Variants in LOC128462377 observed in about 807,000 individuals in gnomAD.
At chr16:89,402,914 G>A in the LOC128462377 span, among the ~76,000 whole-genome samples, 13 of 152,234 alleles carry the variant, frequency 8.5e-5, no homozygotes, top group Admixed American at 5.2e-4. Context: ...CCAGCACTGC[G>A]CCACTCCCAA....
At chr16:89,383,264 C>T in the LOC128462377 span, among the ~76,000 whole-genome samples, 4 of 152,230 alleles carry the variant, frequency 2.6e-5, no homozygotes, top group Admixed American at 2.6e-4. Flanking sequence ...AGATAACCGG[C>T]TCTGCCAGAA....
At chr16:89,401,724 C>G in the LOC128462377 span, among the ~76,000 whole-genome samples, 1 of 152,186 alleles carries the variant, frequency 6.6e-6, no homozygotes, top group East Asian at 1.9e-4. Flanking sequence ...TAGGGTGGGC[C>G]CTCACCCCAC....
the LOC128462377 span, among the ~76,000 whole-genome samples, chr16:89,397,401 G>A: frequency 0.025 from 3,745 of 152,316 alleles, 161 homozygotes; most frequent in African/African-American, 0.086. Flanking sequence ...GAAGCTTTCC[G>A]TGTCCTCAGT....
chr16:89,412,742 G>T, the LOC128462377 span, among the ~76,000 whole-genome samples: 3 of 152,188 alleles, frequency 2.0e-5, no homozygotes, highest in Non-Finnish European at 4.4e-5. Context: ...TGTAAAAAAT[G>T]ATGGTATTAA....
At chr16:89,389,167 C>T in the LOC128462377 span, among the ~76,000 whole-genome samples, 16 of 151,966 alleles carry the variant, frequency 1.1e-4, no homozygotes, top group African/African-American at 3.9e-4. Context: ...GACAGATACA[C>T]GCCACTACGT....
At chr16:89,347,359 C>T in the LOC128462377 span, among the ~76,000 whole-genome samples, 3 of 152,274 alleles carry the variant, frequency 2.0e-5, no homozygotes, top group Middle Eastern at 6.8e-3. Flanking sequence ...CCTGTAATCC[C>T]AGCACTTTGA....
the LOC128462377 span, among the ~76,000 whole-genome samples, chr16:89,356,780 CAAAAAAAA>C: frequency 3.8e-5 from 4 of 103,988 alleles, no homozygotes; most frequent in Admixed American, 4.3e-4. Flanking sequence ...GACTCCGTCT[CAAAAAAAA>C]AAAAAAAGAA....
chr16:89,348,118 G>A, the LOC128462377 span, among the ~76,000 whole-genome samples: 1 of 152,098 alleles, frequency 6.6e-6, no homozygotes, highest in East Asian at 1.9e-4. Context: ...TTTTTGTACA[G>A]ATAGGGTTTC....
At chr16:89,416,385 C>G in the LOC128462377 span, among the ~76,000 whole-genome samples, 1 of 151,996 alleles carries the variant, frequency 6.6e-6, no homozygotes, top group Non-Finnish European at 1.5e-5. Context: ...CTGAAACCTC[C>G]GCCTCCCAGT....
chr16:89,339,206 T>C, the LOC128462377 span, among the ~76,000 whole-genome samples: 1 of 152,264 alleles, frequency 6.6e-6, no homozygotes, highest in Non-Finnish European at 1.5e-5. Context: ...AGGTCCATTT[T>C]TCAGTCCATT....
At chr16:89,327,184 A>G in the LOC128462377 span, among the ~76,000 whole-genome samples, 159 of 152,220 alleles carry the variant, frequency 1.0e-3, no homozygotes, top group Non-Finnish European at 1.7e-3. Context: ...CAATCAGTCA[A>G]CGTCACCCAG....
the LOC128462377 span, among the ~76,000 whole-genome samples, chr16:89,350,077 CA>C: frequency 6.6e-6 from 1 of 152,060 alleles, no homozygotes; most frequent in Non-Finnish European, 1.5e-5. Flanking sequence ...TTCCCCCCAC[CA>C]AAAAAGCCAC....
the LOC128462377 span, among the ~76,000 whole-genome samples, chr16:89,329,695 G>A: frequency 6.6e-6 from 1 of 152,182 alleles, no homozygotes; most frequent in African/African-American, 2.4e-5. Flanking sequence ...TTTGGCTTTG[G>A]AATCATGCAT....
the LOC128462377 span, among the ~76,000 whole-genome samples, chr16:89,390,438 CG>C: frequency 1.2e-4 from 19 of 152,146 alleles, no homozygotes; most frequent in African/African-American, 4.6e-4. Flanking sequence ...GCCTAACCAA[CG>C]GTAAGGGGTG....
the LOC128462377 span, among the ~76,000 whole-genome samples, chr16:89,342,570 C>T: frequency 6.6e-6 from 1 of 152,332 alleles, no homozygotes; most frequent in Admixed American, 6.5e-5. Context: ...GCAGGATATG[C>T]CTTTTCCTTA....
the LOC128462377 span, among the ~76,000 whole-genome samples, chr16:89,337,429 C>CTTT: frequency 0.021 from 1,090 of 53,092 alleles, 354 homozygotes; most frequent in African/African-American, 0.077. Flanking sequence ...CTAAGCAATT[C>CTTT]TTTTTTTTTT....
the LOC128462377 span, among the ~76,000 whole-genome samples, chr16:89,369,045 G>A: frequency 6.6e-6 from 1 of 152,034 alleles, no homozygotes; most frequent in African/African-American, 2.4e-5. Flanking sequence ...CCCCCCACTG[G>A]CACCCATTCC....
At chr16:89,364,945 T>A in the LOC128462377 span, among the ~76,000 whole-genome samples, 3 of 152,198 alleles carry the variant, frequency 2.0e-5, no homozygotes, top group African/African-American at 7.2e-5. Flanking sequence ...CAAAGCCAAA[T>A]GAACAACACT....
chr16:89,342,071 TCCA>T, the LOC128462377 span, among the ~76,000 whole-genome samples: 1 of 78,172 alleles, frequency 1.3e-5, no homozygotes, highest in African/African-American at 4.3e-5. Context: ...GTGCTGCACC[TCCA>T]CCGCCCACAG....
Sources: gnomAD v4.1 joint callset for allele counts (sites outside exome capture counted in the v4.1 genomes callset) on GRCh38, gnomAD v4.1.1 for gene constraint, MANE v1.5 for transcripts.